HEATR5B: variants seen among roughly 807,000 people sequenced by gnomAD.
HEATR5B encodes the protein HEAT repeat containing 5B.
HEATR5B carries 156 observed loss-of-function variants against 224.1 expected under a neutral mutation model. The observed-to-expected ratio is 0.70, with a 90% CI of 0.61 to 0.80. The LOEUF is 0.80. Among genes scored for constraint, HEATR5B ranks in the 30% least tolerant of loss-of-function variants. The pLI, the probability that HEATR5B is intolerant of heterozygous loss-of-function variation, is 0.00. For missense variants in HEATR5B, 2,323 were observed against 2,535.5 expected (o/e 0.92, Z 1.80); for synonymous variants, 1,027 against 893.0 (o/e 1.15, Z -2.68).
At chr2:37,057,992 A>C (rs534745616) in intron 14 of HEATR5B, among the ~76,000 whole-genome samples, 1 of 152,206 alleles carries the variant, frequency 6.6e-6, no homozygotes, top group Non-Finnish European at 1.5e-5. Context: ...AGTTTATTTT[A>C]CTATTAATAT....
At chr2:37,069,047 T>C (rs1671756534) in intron 7 of HEATR5B, 117 bp from the exon 8 acceptor site, 2 of 1,077,890 alleles carry the variant, frequency 1.9e-6, no homozygotes, top group South Asian at 3.5e-5. Flanking sequence ...TATTTGAGGC[T>C]AAAACAGAGA....
At chr2:37,073,813 G>C (rs1290862372) in intron 5 of HEATR5B, among the ~76,000 whole-genome samples, 2 of 152,060 alleles carry the variant, frequency 1.3e-5, no homozygotes, top group Admixed American at 6.5e-5. Flanking sequence ...AAACAATTTT[G>C]AAAAAGAACA....
At chr2:37,037,512 C>T (rs991220102) in intron 21 of HEATR5B, among the ~76,000 whole-genome samples, 1 of 151,890 alleles carries the variant, frequency 6.6e-6, no homozygotes, top group Non-Finnish European at 1.5e-5. Context: ...TAAAAGAGAA[C>T]ACCAGTGAAT....
intron 7 of HEATR5B, 51 bp from the exon 8 acceptor site, chr2:37,068,981 A>T (rs757856613): frequency 6.5e-7 from 1 of 1,549,526 alleles, no homozygotes; most frequent in Non-Finnish European, 8.8e-7. Flanking sequence ...AACTGAACAG[A>T]AATCAAAGAT....
At chr2:36,984,698 G>A (rs1323042709) in intron 35 of HEATR5B, among the ~76,000 whole-genome samples, 30 of 152,276 alleles carry the variant, frequency 2.0e-4, no homozygotes, top group African/African-American at 5.3e-4. Flanking sequence ...GTAGGTACAC[G>A]TTGGGGAGCA....
intron 22 of HEATR5B, among the ~76,000 whole-genome samples, chr2:37,031,272 C>G (rs1669111697): frequency 6.6e-6 from 1 of 152,058 alleles, no homozygotes; most frequent in South Asian, 2.1e-4. Flanking sequence ...ATCATCAAAC[C>G]TGGGGGTGAT....
chr2:37,006,699 G>C (rs957833447), intron 29 of HEATR5B, among the ~76,000 whole-genome samples: 1 of 152,056 alleles, frequency 6.6e-6, no homozygotes, highest in Non-Finnish European at 1.5e-5. Flanking sequence ...TTTTACATTA[G>C]GATTCACTGA....
chr2:37,022,680 A>G (rs1668538339), intron 24 of HEATR5B, among the ~76,000 whole-genome samples: 1 of 152,210 alleles, frequency 6.6e-6, no homozygotes, highest in Non-Finnish European at 1.5e-5. Flanking sequence ...TCTACAAAAT[A>G]AGAAGGAAAC....
chr2:37,033,848 G>A (rs938866450), intron 21 of HEATR5B, among the ~76,000 whole-genome samples: 6 of 152,094 alleles, frequency 3.9e-5, no homozygotes, highest in African/African-American at 9.7e-5. Context: ...TTACAATGCT[G>A]GCTGGCACAT....
chr2:37,014,704 C>T (rs932417132), intron 26 of HEATR5B, among the ~76,000 whole-genome samples: 4 of 149,326 alleles, frequency 2.7e-5, no homozygotes, highest in Non-Finnish European at 4.4e-5. Context: ...AGAGGCTGGG[C>T]GCAGTGGCTT....
intron 25 of HEATR5B, 145 bp from the exon 26 acceptor site, chr2:37,020,022 G>A: frequency 3.5e-6 from 2 of 567,172 alleles, no homozygotes; most frequent in Non-Finnish European, 6.2e-6. Context: ...TCCTCCCTCA[G>A]CCTCCGAAGT....
At chr2:37,033,883 TATTATA>T (rs1405061278) in intron 21 of HEATR5B, among the ~76,000 whole-genome samples, 17 of 152,194 alleles carry the variant, frequency 1.1e-4, no homozygotes, top group Admixed American at 8.5e-4. Context: ...AAATGTAAGC[TATTATA>T]ATTATTAGTA....
At chr2:37,023,100 C>G (rs1211010840) in intron 24 of HEATR5B, among the ~76,000 whole-genome samples, 1 of 148,926 alleles carries the variant, frequency 6.7e-6, no homozygotes, top group African/African-American at 2.5e-5. Flanking sequence ...ACGAAAATAA[C>G]TAAGGGAGAA....
intron 18 of HEATR5B, among the ~76,000 whole-genome samples, chr2:37,044,121 A>G (rs1309731978): frequency 2.6e-5 from 4 of 152,202 alleles, no homozygotes; most frequent in African/African-American, 9.7e-5. Context: ...TCAAAATCCA[A>G]TATGTATTAC....
intron 22 of HEATR5B, among the ~76,000 whole-genome samples, chr2:37,029,921 G>C: frequency 7.5e-6 from 1 of 134,064 alleles, no homozygotes; most frequent in African/African-American, 2.9e-5. Flanking sequence ...CTGGGTGATA[G>C]AGACTCTATC....
chr2:37,060,622 G>A lies in HEATR5B; in HGVS notation c.1808C>T (p.Thr603Ile). ...EAEKARGDSFTWQVTLEGRAG... is the reference protein window; with the variant it reads ...EAEKARGDSFIWQVTLEGRAG... ...ACGACCTTCCAAAGTTACCTGCCAG[G>A]TAAAAGAATCGCCTCGGGCCTTCTC... Residue 603 changes from threonine (T) to isoleucine (I), a missense_variant, in exon 12 of 36, where the codon ACC (threonine) becomes ATC (isoleucine). By Grantham distance (89) the Thr-to-Ile change is moderately conservative. Coordinates refer to ENST00000233099, the MANE Select transcript of HEATR5B (RefSeq NM_019024.3). The A allele has an allele frequency of 6.2e-7, 1 of 1,613,758 alleles. No homozygotes were observed. Among genetic ancestry groups the A allele is most frequent in the Non-Finnish European group, 8.5e-7 (1 of 1,179,808 alleles).
At chr2:37,011,072 C>T (rs1667755349) in intron 27 of HEATR5B, among the ~76,000 whole-genome samples, 1 of 152,154 alleles carries the variant, frequency 6.6e-6, no homozygotes, top group South Asian at 2.1e-4. Context: ...GCTTTATCTT[C>T]TAGTACACTC....
rs999898341 is a variant in HEATR5B at position 37,007,092 on chromosome 2, A to T, written c.4735T>A (p.Ser1579Thr). 6.8e-6 allele frequency: 11 copies of T among 1,614,046 alleles called. No individual in the cohort carries two copies. The highest frequency in any genetic ancestry group is 8.5e-6 in the Non-Finnish European group (10 of 1,180,026). Residue 1579 changes from serine (S) to threonine (T), a missense_variant, in exon 29 of 36, where the codon TCT becomes ACT. This residue lies in a region of HEATR5B where 844 missense variants were observed against 812.9 expected (regional missense o/e 1.04). Transcript: ENST00000233099. ...CTGTCTTTGTTAATTTCTGGCAAAG[A>T]TTTAGCACTACCCACTGCTCCTGAT... ...QASGAVGSAK[S>T]LPEINKDRMH...
chr2:37,014,231 G>A (rs1344087702), intron 26 of HEATR5B, among the ~76,000 whole-genome samples: 1 of 151,878 alleles, frequency 6.6e-6, no homozygotes, highest in Non-Finnish European at 1.5e-5. Context: ...GCGTGATCTC[G>A]GCTCACTGCA....
Sources: allele counts gnomAD v4.1 joint callset (sites outside exome capture counted in the v4.1 genomes callset), GRCh38; gene constraint gnomAD v4.1.1; regional missense constraint gnomAD v4.1.1; transcripts MANE v1.5; gene names NCBI Gene and HGNC (gene_info 2026-07-23, HGNC 2026-07-21).